ITGBL1: variants seen among roughly 807,000 people sequenced by gnomAD.
ITGBL1 encodes integrin subunit beta like 1, also known as integrin beta-like protein 1.
In ITGBL1, 51 loss-of-function variants were observed where a neutral mutation model predicts 68.5. That is an observed-to-expected ratio of 0.74 (90% confidence interval 0.59 to 0.94). The LOEUF (loss-of-function observed/expected upper bound fraction) is 0.94, where lower values mean the gene tolerates loss of function less well. Among genes scored for constraint, ITGBL1 ranks in the 40% least tolerant of loss-of-function variants. ITGBL1 has a pLI of 0.00. For synonymous variants in ITGBL1, 209 were observed against 227.3 expected (o/e 0.92, Z 0.72); for missense variants, 649 against 647.4 (o/e 1.00, Z -0.03).
At chr13:101,665,672 T>C (rs1329819827) in intron 7 of ITGBL1, among the ~76,000 whole-genome samples, 1 of 152,152 alleles carries the variant, frequency 6.6e-6, no homozygotes, top group Non-Finnish European at 1.5e-5. Context: ...ATAGTGAGCA[T>C]TCTTGTCGTG....
At chr13:101,528,024 A>T (rs2049409107) in intron 2 of ITGBL1, among the ~76,000 whole-genome samples, 1 of 148,998 alleles carries the variant, frequency 6.7e-6, no homozygotes, top group Non-Finnish European at 1.5e-5. Flanking sequence ...TTTTGCTAAA[A>T]TCCAATTTGT....
At chr13:101,718,237 T>C (rs1395929604), downstream of ITGBL1, 1 of 152,156 alleles carries the variant, frequency 6.6e-6, no homozygotes, top group Non-Finnish European at 1.5e-5. Flanking sequence ...TGTGTGTGTT[T>C]GTGTGTGTAT....
intron 7 of ITGBL1, among the ~76,000 whole-genome samples, chr13:101,674,701 A>G (rs2033459541): frequency 6.6e-6 from 1 of 151,810 alleles, no homozygotes; most frequent in African/African-American, 2.4e-5. Flanking sequence ...ATTTTTTTGT[A>G]TATTTCTGGG....
chr13:101,523,821 A>G (rs571971235), intron 2 of ITGBL1, among the ~76,000 whole-genome samples: 2 of 152,314 alleles, frequency 1.3e-5, no homozygotes, highest in East Asian at 1.9e-4. Context: ...CAGAAGTAGC[A>G]TGTGTCACTT....
intron 2 of ITGBL1, among the ~76,000 whole-genome samples, chr13:101,494,177 A>T (rs2048821965): frequency 6.6e-6 from 1 of 152,160 alleles, no homozygotes; most frequent in Non-Finnish European, 1.5e-5. Flanking sequence ...GTTCCTGTTT[A>T]TTTTTGTTTG....
chr13:101,505,540 A>G (rs75674160), intron 2 of ITGBL1, among the ~76,000 whole-genome samples: 2,173 of 152,238 alleles, frequency 0.014, 55 homozygotes, highest in African/African-American at 0.049. Flanking sequence ...ATCTTATTCA[A>G]TCTGTATTGA....
intron 7 of ITGBL1, among the ~76,000 whole-genome samples, chr13:101,653,044 C>T (rs1008999292): frequency 6.6e-6 from 1 of 151,244 alleles, no homozygotes; most frequent in Non-Finnish European, 1.5e-5. Context: ...TGCAGTGAGC[C>T]GAGATCACGC....
At chr13:101,635,055 C>T (rs938194384) in intron 7 of ITGBL1, among the ~76,000 whole-genome samples, 2 of 151,238 alleles carry the variant, frequency 1.3e-5, no homozygotes, top group African/African-American at 4.9e-5. Context: ...TTAACTGTAG[C>T]AGCTATGCTG....
At chr13:101,571,287 G>A (rs1352393713) in intron 3 of ITGBL1, among the ~76,000 whole-genome samples, 1 of 151,994 alleles carries the variant, frequency 6.6e-6, no homozygotes, top group East Asian at 1.9e-4. Flanking sequence ...AAGAGATTAG[G>A]ATTTGCAGTC....
At chr13:101,603,882 T>C (rs1471304039) in intron 7 of ITGBL1, among the ~76,000 whole-genome samples, 1 of 151,926 alleles carries the variant, frequency 6.6e-6, no homozygotes, top group Non-Finnish European at 1.5e-5. Context: ...TATCTTAAAG[T>C]GGTAAACAAA....
At chr13:101,720,220 G>C (rs1566809357), downstream of ITGBL1, 2 of 152,146 alleles carry the variant, frequency 1.3e-5, no homozygotes, top group South Asian at 2.1e-4. Context: ...CATCATTGCT[G>C]TCCTCTTCCC....
intron 2 of ITGBL1, among the ~76,000 whole-genome samples, chr13:101,502,325 G>T (rs1012596331): frequency 6.6e-6 from 1 of 152,170 alleles, no homozygotes; most frequent in African/African-American, 2.4e-5. Flanking sequence ...TAAGAAATTA[G>T]TCTGTGGCCA....
intron 2 of ITGBL1, among the ~76,000 whole-genome samples, chr13:101,460,424 C>T (rs1442804328): frequency 3.3e-5 from 5 of 152,152 alleles, no homozygotes; most frequent in African/African-American, 9.7e-5. Flanking sequence ...AGCCATTTTT[C>T]GGGAGCTCTA....
At chr13:101,489,851 G>T in intron 2 of ITGBL1, 1 of 674,102 alleles carries the variant, frequency 1.5e-6, no homozygotes, top group South Asian at 1.8e-5. Context: ...CAGTTTGTCT[G>T]ACTCATTGGT....
At position 101,604,579 on chromosome 13, in the gene ITGBL1, C is replaced by T. The variant is rs533364548; in HGVS notation, c.1015+6280C>T. On this transcript the variant is annotated intron_variant, in intron 7 of 10. Coordinates refer to ENST00000376180, the MANE Select transcript of ITGBL1 (RefSeq NM_004791.3). ...TGACAGCCAGTTGAGTGCCTTTGGTCAAGGTCACGGACCCTTTCTTTCTCA... is the reference window on the plus strand; with the variant it reads ...TGACAGCCAGTTGAGTGCCTTTGGTTAAGGTCACGGACCCTTTCTTTCTCA... Among the ~76,000 whole-genome samples the T allele has an allele frequency of 7.9e-5, 12 of 151,450 alleles. 1 individual carries two copies. Among genetic ancestry groups the T allele is most frequent in the South Asian group, 4.2e-4 (2 of 4,808 alleles).
intron 2 of ITGBL1, among the ~76,000 whole-genome samples, chr13:101,455,566 C>T (rs527901992): frequency 6.6e-6 from 1 of 152,244 alleles, no homozygotes; most frequent in East Asian, 1.9e-4. Context: ...ACTTGGGAGG[C>T]CGAGGCAGAA....
rs561537483 is a variant in ITGBL1, at chr13:101,708,696, G to T, written c.1279+1794G>T. Among the ~76,000 whole-genome samples the T allele has an allele frequency of 4.6e-5, 7 of 152,294 alleles. No individual in the cohort carries two copies. The South Asian group carries it at 1.5e-3, about 32-fold the overall frequency. On this transcript the variant is annotated intron_variant, in intron 9 of 10. Coordinates refer to ENST00000376180, the MANE Select transcript of ITGBL1 (RefSeq NM_004791.3). ...AGGATGGATGCTGTGACTATCTGTGGTGCCAAGAAGGGGGATGAAAATGAA... is the reference window on the plus strand; with the variant it reads ...AGGATGGATGCTGTGACTATCTGTGTTGCCAAGAAGGGGGATGAAAATGAA...
intron 7 of ITGBL1, among the ~76,000 whole-genome samples, chr13:101,684,257 G>C (rs985834850): frequency 4.6e-5 from 7 of 151,800 alleles, no homozygotes; most frequent in African/African-American, 1.7e-4. Flanking sequence ...TATGATTACT[G>C]TGCCTTTAAA....
In ITGBL1 at chr13:101,653,028, G is replaced by A. The variant is rs375242352; in HGVS notation, c.1016-39557G>A. Among the ~76,000 whole-genome samples the A allele has an allele frequency of 1.1e-3, 173 of 151,982 alleles. 1 individual carries two copies. The highest frequency in any genetic ancestry group is 3.8e-3 in the African/African-American group (159 of 41,456). On this transcript the variant is annotated intron_variant, in intron 7 of 10. Coordinates refer to ENST00000376180, the MANE Select transcript of ITGBL1 (RefSeq NM_004791.3). Reference sequence around the variant, plus strand: ...GGAGAATTGCTCGAACCCGGGAGGTGGAGGTTGCAGTGAGCCGAGATCACG... The same window carrying A: ...GGAGAATTGCTCGAACCCGGGAGGTAGAGGTTGCAGTGAGCCGAGATCACG...
Sources: allele counts gnomAD v4.1 joint callset (sites outside exome capture counted in the v4.1 genomes callset), GRCh38; gene constraint gnomAD v4.1.1; transcripts MANE v1.5; gene names NCBI Gene and HGNC (gene_info 2026-07-23, HGNC 2026-07-21).